Variants in SEZ6L observed in about 807,000 individuals in gnomAD.
The protein encoded by SEZ6L is seizure related 6 homolog like, also known as seizure 6-like protein.
In SEZ6L, 37 loss-of-function variants were observed where a neutral mutation model predicts 106.2. That is an observed-to-expected ratio of 0.35 (90% CI 0.27 to 0.46). The LOEUF is 0.46. Ranked by LOEUF, SEZ6L falls within the 20% of genes least tolerant of loss-of-function variation. The probability of loss-of-function intolerance (pLI) is 1.00; values close to 1 mark genes in which losing one functional copy is unlikely to be tolerated. For missense variants in SEZ6L, 1,172 were observed against 1,332.8 expected, an observed-to-expected ratio of 0.88 and a Z score of 1.88; for synonymous variants, 541 against 570.4, an observed-to-expected ratio of 0.95 and a Z score of 0.73.
At chr22:26,377,880 G>A (rs2084282672) in intron 16 of SEZ6L, 105 bp downstream of exon 16, 2 of 870,932 alleles carry the variant, frequency 2.3e-6, no homozygotes, top group African/African-American at 1.7e-5. Flanking sequence ...AAGAGGCACA[G>A]CCAGTGGTCC....
chr22:26,211,804 TAAAAA>T (rs56124325), intron 1 of SEZ6L, among the ~76,000 whole-genome samples: 6 of 48,080 alleles, frequency 1.2e-4, no homozygotes. Context: ...ACCTCGTCTC[TAAAAA>T]AAAAAAAAAA....
intron 9 of SEZ6L, among the ~76,000 whole-genome samples, chr22:26,323,554 G>C (rs948728018): frequency 6.6e-6 from 1 of 152,146 alleles, no homozygotes; most frequent in Non-Finnish European, 1.5e-5. Flanking sequence ...AATCACCTGA[G>C]CTCAGGTGTT....
intron 1 of SEZ6L, among the ~76,000 whole-genome samples, chr22:26,261,154 G>A (rs1175529228): frequency 6.6e-6 from 1 of 152,126 alleles, no homozygotes; most frequent in Non-Finnish European, 1.5e-5. Context: ...GACGTATAGA[G>A]TGTGAAGATT....
At chr22:26,207,921 T>C (rs1398045482) in intron 1 of SEZ6L, among the ~76,000 whole-genome samples, 1 of 151,508 alleles carries the variant, frequency 6.6e-6, no homozygotes, top group East Asian at 1.9e-4. Context: ...TTTTTTTTTT[T>C]TTTTTTGAGA....
At chr22:26,191,597 G>A (rs1355074423) in intron 1 of SEZ6L, among the ~76,000 whole-genome samples, 2 of 151,050 alleles carry the variant, frequency 1.3e-5, no homozygotes, top group Non-Finnish European at 1.5e-5. Flanking sequence ...GGGTTGGGGG[G>A]TGGGAGGAGG....
intron 6 of SEZ6L, among the ~76,000 whole-genome samples, chr22:26,308,376 G>T (rs1049585713): frequency 6.6e-6 from 1 of 151,956 alleles, no homozygotes. Context: ...GGAGGAAAGA[G>T]ATCTGGGAAG....
chr22:26,196,228 GT>G (rs892262672), intron 1 of SEZ6L, among the ~76,000 whole-genome samples: 11 of 152,162 alleles, frequency 7.2e-5, no homozygotes, highest in Admixed American at 3.3e-4. Flanking sequence ...CTGTGGCCAT[GT>G]AAGATGTGCC....
intron 10 of SEZ6L, among the ~76,000 whole-genome samples, chr22:26,342,137 A>C (rs1176511945): frequency 6.6e-6 from 1 of 152,228 alleles, no homozygotes; most frequent in East Asian, 1.9e-4. Flanking sequence ...GAGGGTAATT[A>C]AGACCTAACA....
At chr22:26,297,184 G>A in intron 4 of SEZ6L, 104 bp downstream of exon 4, 3 of 852,414 alleles carry the variant, frequency 3.5e-6, no homozygotes, top group Non-Finnish European at 5.2e-6. Context: ...CTGACAGTTT[G>A]GTAAAACCTA....
At position 26,292,962 on chromosome 22, in the gene SEZ6L, G is replaced by C; in HGVS notation, c.651G>C (p.Gln217His). Reference sequence around the variant, plus strand: ...CCTATGTGGCCCACACACTCCCCCAGAGGCCAGAACCCGGGGAGCCTGGGC... The same window carrying C: ...CCTATGTGGCCCACACACTCCCCCACAGGCCAGAACCCGGGGAGCCTGGGC... ...SQPYVAHTLP[Q>H]RPEPGEPGPD... Residue 217 changes from glutamine to histidine, a missense_variant, in exon 2 of 17, where the codon CAG becomes CAC. Around this residue, in one of 4 missense-constraint regions of SEZ6L, gnomAD observed 494 missense variants for 445.8 expected, o/e 1.11. Coordinates refer to ENST00000248933, the MANE Select transcript of SEZ6L (RefSeq NM_021115.5). The C allele has an allele frequency of 1.2e-6, 2 of 1,613,950 alleles. No individual in the cohort carries two copies. Among genetic ancestry groups the C allele is most frequent in the African/African-American group, 1.3e-5 (1 of 75,044 alleles).
intron 1 of SEZ6L, among the ~76,000 whole-genome samples, chr22:26,218,346 G>C (rs538258082): frequency 6.6e-6 from 1 of 152,034 alleles, no homozygotes; most frequent in African/African-American, 2.4e-5. Flanking sequence ...CTATCAACCC[G>C]TCATCTAGGT....
At chr22:26,251,931 C>A (rs1018730625) in intron 1 of SEZ6L, among the ~76,000 whole-genome samples, 13 of 152,154 alleles carry the variant, frequency 8.5e-5, no homozygotes, top group African/African-American at 3.1e-4. Context: ...CCCTGGATAC[C>A]TTTGGAATCC....
chr22:26,218,286 G>T (rs1359444488), intron 1 of SEZ6L, among the ~76,000 whole-genome samples: 1 of 152,112 alleles, frequency 6.6e-6, no homozygotes, highest in African/African-American at 2.4e-5. Context: ...TGCAGAACGT[G>T]CAGGTTTGTT....
chr22:26,298,832 A>T (rs567780385), intron 4 of SEZ6L, 152 bp from the exon 5 acceptor site: 39 of 627,758 alleles, frequency 6.2e-5, no homozygotes, highest in Non-Finnish European at 8.6e-5. Context: ...ATATGATCAA[A>T]GAGAGTCACA....
rs2078748930 is a variant in SEZ6L, at chr22:26,229,983, T to C, written c.94+60220T>C. Among the ~76,000 whole-genome samples the C allele has an allele frequency of 5.3e-5, 8 of 152,350 alleles. 1 individual carries two copies. The South Asian group carries it at 1.5e-3, about 28-fold the overall frequency. On this transcript the variant is annotated intron_variant, in intron 1 of 16. Transcript: ENST00000248933. ...CTCTGAACCCTGGAATTGTTCTTAA[T>C]GCATGTGGCATCATGTTCGTCAATA...
intron 1 of SEZ6L, among the ~76,000 whole-genome samples, chr22:26,252,411 T>C (rs2079629599): frequency 2.0e-5 from 3 of 152,216 alleles, no homozygotes; most frequent in Admixed American, 6.5e-5. Flanking sequence ...TGTGTGTATA[T>C]ATATAGATAT....
chr22:26,300,415 T>C (rs1042180525), intron 5 of SEZ6L, among the ~76,000 whole-genome samples: 8 of 152,252 alleles, frequency 5.3e-5, no homozygotes, highest in African/African-American at 1.9e-4. Context: ...TTTGGTTTTT[T>C]GTCCTTGCGA....
intron 1 of SEZ6L, among the ~76,000 whole-genome samples, chr22:26,264,634 T>G (rs1296234840): frequency 6.6e-6 from 1 of 152,250 alleles, no homozygotes; most frequent in Non-Finnish European, 1.5e-5. Context: ...TATTTTATGC[T>G]TTGATGGTTA....
chr22:26,309,586 AT>A (rs370387908), intron 6 of SEZ6L, among the ~76,000 whole-genome samples: 15 of 149,948 alleles, frequency 1.0e-4, no homozygotes, highest in South Asian at 4.3e-4. Flanking sequence ...CCTGTTAACT[AT>A]TTTTTTTTTA....
Sources: allele counts gnomAD v4.1 joint callset (sites outside exome capture counted in the v4.1 genomes callset), GRCh38; gene constraint gnomAD v4.1.1; regional missense constraint gnomAD v4.1.1; transcripts MANE v1.5; gene names NCBI Gene and HGNC (gene_info 2026-07-23, HGNC 2026-07-21).